The following FER1L5 variants were observed in gnomAD, a reference collection of about 807,000 sequenced individuals.
The protein encoded by FER1L5 is fer-1 like family member 5, also known as fer-1-like protein 5.
Under a neutral mutation model 279.9 loss-of-function variants are expected in FER1L5, and 187 were observed. The ratio of observed to expected loss-of-function variants is 0.67; its 90% CI spans 0.59 to 0.75. FER1L5 has a LOEUF of 0.75. Among genes scored for constraint, FER1L5 ranks in the 30% least tolerant of loss-of-function variants. FER1L5 has a pLI of 0.00. For missense variants in FER1L5, 2,091 were observed against 2,594.4 expected, an observed-to-expected ratio of 0.81 and a Z score of 4.21; for synonymous variants, 921 against 989.7, an observed-to-expected ratio of 0.93 and a Z score of 1.30.
chr2:96,668,715 T>C, intron 14 of FER1L5, 36 bp from the exon 15 acceptor site: 1 of 1,550,998 alleles, frequency 6.4e-7, no homozygotes, highest in Non-Finnish European at 8.7e-7. Context: ...ACCATCCCAA[T>C]GTGTACCCAC....
chr2:96,682,870 A>C (rs927418801), intron 19 of FER1L5, among the ~76,000 whole-genome samples: 25 of 152,202 alleles, frequency 1.6e-4, no homozygotes, highest in Non-Finnish European at 3.2e-4. Context: ...GGCTAATTAG[A>C]GACAGGGTCT....
At chr2:96,692,262 G>C in intron 31 of FER1L5, 81 bp downstream of exon 31, 11 of 1,467,174 alleles carry the variant, frequency 7.5e-6, no homozygotes, top group Non-Finnish European at 1.0e-5. Context: ...CAGCAGCCAA[G>C]GCAGCCCTGC....
At chr2:96,692,008 G>T in intron 30 of FER1L5, 45 bp downstream of exon 30, 4 of 565,958 alleles carry the variant, frequency 7.1e-6, no homozygotes, top group Non-Finnish European at 1.2e-5. Flanking sequence ...CCAGAGGCCA[G>T]TACCCGAGGG....
Position 96,679,314 on chromosome 2 carries a change from C to G in FER1L5, c.1670-5013C>G, listed in dbSNP as rs1259146868. Among the ~76,000 whole-genome samples, 10 of 152,082 alleles carry G rather than the reference C, an allele frequency of 6.6e-5. No homozygotes were observed. The South Asian group carries it at 1.2e-3, about 19-fold the overall frequency. On this transcript the variant is annotated intron_variant, in intron 19 of 52. Coordinates refer to ENST00000624922, the MANE Select transcript of FER1L5 (RefSeq NM_001293083.2). ...TCTCGGCTCACTGCAACCTCCACTT[C>G]CCAGGTTCAAGCAATTCTCCTGCCT...
chr2:96,684,214 T>G (rs1238733776), intron 19 of FER1L5, 113 bp from the exon 20 acceptor site: 3 of 1,371,516 alleles, frequency 2.2e-6, no homozygotes, highest in Non-Finnish European at 2.9e-6. Flanking sequence ...TGTTAGCAGG[T>G]CACATCTTTG....
Position 96,698,141 on chromosome 2 carries a change from G to A in FER1L5, c.4341G>A (p.Val1447=), listed in dbSNP as rs2077452497. ...AGCAGCCCAAGTTGGACAGCCCCGT[G>A]GTAGGGGAGTTCAAGGTGTGTGTCC... The part of the protein sequence containing the change: ...YQEQPKLDSP[V]VGEFKGLFRI... Residue 1447 remains valine, a synonymous_variant, in exon 40 of 53, where the codon GTG becomes GTA. Coordinates refer to ENST00000624922, the MANE Select transcript of FER1L5 (RefSeq NM_001293083.2). This position sits in a 1 kb window ranked among gnomAD's most constrained non-coding sequence, Gnocchi z 5.5. The A allele has an allele frequency of 6.4e-7, 1 of 1,566,738 alleles. No individual in the cohort carries two copies. Among genetic ancestry groups the A allele is most frequent in the Non-Finnish European group, 8.7e-7 (1 of 1,155,740 alleles).
At position 96,691,697 on chromosome 2, in the gene FER1L5, G is replaced by C; in HGVS notation, c.3075+85G>C. 6.5e-7 allele frequency: 1 copy of C among 1,539,838 alleles called. No individual in the cohort carries two copies. On this transcript the variant is annotated intron_variant, in intron 29 of 52. Transcript: ENST00000624922. This position sits in a 1 kb window ranked among gnomAD's most constrained non-coding sequence, Gnocchi z 6.0. The stretch of plus-strand genomic sequence containing the variant: ...GCCTGGCCTGGCTGGGGCGCTGACT[G>C]CGGAGGAAGGGCCTCTGTTCCTCAG...
chr2:96,694,162 T>C lies in FER1L5; in HGVS notation c.3636+90T>C. 6.9e-7 allele frequency: 1 copy of C among 1,454,166 alleles called. No individual in the cohort carries two copies. Among genetic ancestry groups the C allele is most frequent in the Non-Finnish European group, 9.1e-7 (1 of 1,099,464 alleles). The allele number at this position is 1,454,166 out of a possible 1,614,324, so 90.1% of individuals were successfully genotyped here. Reference sequence around the variant, plus strand: ...GCCAGCGGGGGCCAACTCCACCCTGTCAGGAAATGCCTGGGGCCCAGGATC... The same window carrying C: ...GCCAGCGGGGGCCAACTCCACCCTGCCAGGAAATGCCTGGGGCCCAGGATC... On this transcript the variant is annotated intron_variant, in intron 33 of 52. Transcript: ENST00000624922. This position sits in a 1 kb window ranked among gnomAD's most constrained non-coding sequence, Gnocchi z 4.6.
At chr2:96,685,208 T>C in intron 20 of FER1L5, 121 bp from the exon 21 acceptor site, 1 of 792,242 alleles carries the variant, frequency 1.3e-6, no homozygotes, top group Non-Finnish European at 2.1e-6. Flanking sequence ...TATCACCAGG[T>C]TATCCCTCAA....
chr2:96,689,340 A>C lies in FER1L5; in HGVS notation c.2489A>C (p.His830Pro). Residue 830 changes from histidine (H) to proline (P), a missense_variant, in exon 25 of 53, where the codon CAC (histidine) becomes CCC (proline). His to Pro is a moderately conservative substitution (Grantham distance 77). Transcript: ENST00000624922. This position sits in a 1 kb window ranked among gnomAD's most constrained non-coding sequence, Gnocchi z 4.6. ...MTDFQPPLGW[H>P]WQDSWTVEPQ... is the part of the protein sequence containing the mutation. ...GATTTCCAACCACCCCTGGGATGGCACTGGCAGGACAGCTGGACAGTGGAA... is the reference window on the plus strand; with the variant it reads ...GATTTCCAACCACCCCTGGGATGGCCCTGGCAGGACAGCTGGACAGTGGAA... The C allele has an allele frequency of 6.4e-7, 1 of 1,550,588 alleles. No individual in the cohort carries two copies. Among genetic ancestry groups the C allele is most frequent in the Non-Finnish European group, 8.7e-7 (1 of 1,146,716 alleles).
intron 14 of FER1L5, among the ~76,000 whole-genome samples, chr2:96,665,045 C>T (rs1482933740): frequency 1.3e-5 from 2 of 152,136 alleles, no homozygotes; most frequent in African/African-American, 4.8e-5. Context: ...AATCTGTCTC[C>T]GTCACCTATC....
In FER1L5 at chr2:96,642,787, G is replaced by A; in HGVS notation, c.-50G>A. ...GTCTTGGACTGAGGAGCTCCAAAAA[G>A]GAAGCTGTGGCGCTGCGTAGGGAAG... On this transcript the variant is annotated 5_prime_UTR_variant, in exon 1 of 53. Transcript: ENST00000624922. The A allele has an allele frequency of 6.5e-7, 1 of 1,530,124 alleles. No individual in the cohort carries two copies. The highest frequency in any genetic ancestry group is 8.8e-7 in the Non-Finnish European group (1 of 1,132,914). 94.8% of individuals were successfully genotyped at this position (1,530,124 alleles called of 1,614,324 possible). A position where few individuals can be genotyped will look rare whatever the true frequency, so the allele number is the denominator to read the frequency against.
At chr2:96,646,556 C>A in intron 2 of FER1L5, 103 bp downstream of exon 2, 2 of 1,181,722 alleles carry the variant, frequency 1.7e-6, no homozygotes, top group Non-Finnish European at 2.4e-6. Flanking sequence ...AGAGGACGTG[C>A]AACCTCACAG....
In FER1L5 at chr2:96,689,272, C is replaced by T; in HGVS notation, c.2421C>T (p.Pro807=). 2 of 1,550,460 alleles carry T rather than the reference C, an allele frequency of 1.3e-6. No homozygotes were observed. Among genetic ancestry groups the T allele is most frequent in the Non-Finnish European group, 1.7e-6 (2 of 1,146,658 alleles). ...QWGQQGLYHC[P]NFSDVMGNKT... is the part of the protein sequence containing the mutation. ...GGCAGCAGGGGCTGTATCACTGCCC[C>T]AACTTCTCGGATGTCATGGGGAACA... The change falls in exon 25 of 53, where the codon CCC becomes CCT. Residue 807 remains proline (P), a synonymous_variant. Coordinates refer to ENST00000624922, the MANE Select transcript of FER1L5 (RefSeq NM_001293083.2). The surrounding 1 kb of genome is among the most constrained non-coding windows in gnomAD (Gnocchi z 4.6).
chr2:96,688,694 C>T (rs1364094998), intron 24 of FER1L5, among the ~76,000 whole-genome samples: 1 of 152,060 alleles, frequency 6.6e-6, no homozygotes, highest in East Asian at 1.9e-4. Flanking sequence ...GTCTTGGAGG[C>T]GCAGAGGTGG....
At chr2:96,649,455 C>T (rs2075276134) in intron 4 of FER1L5, among the ~76,000 whole-genome samples, 168 bp from the exon 5 acceptor site, 1 of 152,190 alleles carries the variant, frequency 6.6e-6, no homozygotes, top group African/African-American at 2.4e-5. Flanking sequence ...TTATAACCTC[C>T]CTCACCCAGA....
At chr2:96,659,474 T>TTTCTTTCTTTCTTTCCTTCTTTCC (rs1558855334) in intron 9 of FER1L5, among the ~76,000 whole-genome samples, 2 of 29,670 alleles carry the variant, frequency 6.7e-5, no homozygotes, top group East Asian at 1.6e-3. Context: ...TCTTTCTTTC[T>TTTCTTTCTTTCTTTCCTTCTTTCC]TTCTTTCTTT....
chr2:96,692,754 G>T (rs1348760821), intron 31 of FER1L5, among the ~76,000 whole-genome samples: 1 of 152,136 alleles, frequency 6.6e-6, no homozygotes, highest in East Asian at 1.9e-4. Flanking sequence ...GGTCCTTATT[G>T]CTGTTTGTAG....
rs762409942 is a variant in FER1L5, at chr2:96,704,627, C to T, written c.6109C>T (p.Leu2037Phe). Residue 2037 changes from leucine (L) to phenylalanine (F), a missense_variant, in exon 53 of 53, where the codon CTC becomes TTC. Physicochemically the swap from Leu to Phe is conservative, Grantham distance 22. Coordinates refer to ENST00000624922, the MANE Select transcript of FER1L5 (RefSeq NM_001293083.2). ...LKPTIDHEWK[L>F]HPGPTNHLSD... Reference sequence around the variant, plus strand: ...GCCTACAATAGACCATGAGTGGAAACTCCACCCAGGACCCACAAATCACCT... The same window carrying T: ...GCCTACAATAGACCATGAGTGGAAATTCCACCCAGGACCCACAAATCACCT... The T allele has an allele frequency of 6.2e-7, 1 of 1,614,054 alleles. No individual in the cohort carries two copies. The highest frequency in any genetic ancestry group is 8.5e-7 in the Non-Finnish European group (1 of 1,179,898).
Sources: gnomAD v4.1 joint callset for allele counts (sites outside exome capture counted in the v4.1 genomes callset) on GRCh38, gnomAD v4.1.1 for gene constraint, Gnocchi (gnomAD v3.1) non-coding constraint, MANE v1.5 for transcripts, NCBI Gene and HGNC (gene_info 2026-07-23, HGNC 2026-07-21) for gene names.